The following CTNNA2 variants were observed in gnomAD, a reference collection of about 807,000 sequenced individuals.
The protein encoded by CTNNA2 is catenin alpha-2.
CTNNA2 carries 42 observed loss-of-function variants against 101.0 expected under a neutral mutation model. The ratio of observed to expected loss-of-function variants is 0.42; its 90% confidence interval spans 0.32 to 0.54. The LOEUF is 0.54. Among genes scored for constraint, CTNNA2 ranks in the 20% least tolerant of loss-of-function variants. The pLI, the probability that CTNNA2 is intolerant of heterozygous loss-of-function variation, is 0.14. For missense variants in CTNNA2, 871 were observed against 1,223.1 expected, an observed-to-expected ratio of 0.71 and a Z score of 4.29; for synonymous variants, 450 against 456.4, an observed-to-expected ratio of 0.99 and a Z score of 0.18.
chr2:79,192,038 G>A (rs553767679), intron 1 of CTNNA2, among the ~76,000 whole-genome samples: 12 of 152,046 alleles, frequency 7.9e-5, no homozygotes, highest in Non-Finnish European at 8.8e-5. Flanking sequence ...GTCAAGGTGC[G>A]AAGCTATTGG....
chr2:80,175,070 C>T (rs1705309238), intron 7 of CTNNA2, among the ~76,000 whole-genome samples: 1 of 152,196 alleles, frequency 6.6e-6, no homozygotes, highest in Non-Finnish European at 1.5e-5. Flanking sequence ...TCTTCTCCAC[C>T]TCTCAAGACT....
chr2:80,425,026 G>T, intron 9 of CTNNA2, among the ~76,000 whole-genome samples: 1 of 152,222 alleles, frequency 6.6e-6, no homozygotes, highest in Non-Finnish European at 1.5e-5. Flanking sequence ...TCTCAGCAGC[G>T]ACCTTCTTTC....
At chr2:80,636,351 A>G (rs1018941328) in intron 18 of CTNNA2, among the ~76,000 whole-genome samples, 2 of 152,132 alleles carry the variant, frequency 1.3e-5, no homozygotes, top group Admixed American at 6.6e-5. Flanking sequence ...TTTATAACCC[A>G]CTTTGTAGCA....
chr2:80,047,825 A>G (rs1214458754), intron 7 of CTNNA2, among the ~76,000 whole-genome samples: 1 of 152,192 alleles, frequency 6.6e-6, no homozygotes, highest in African/African-American at 2.4e-5. Context: ...ACACACATAG[A>G]AGACAATTTC....
chr2:80,402,222 C>T (rs2149381071), intron 8 of CTNNA2, among the ~76,000 whole-genome samples: 1 of 152,316 alleles, frequency 6.6e-6, no homozygotes, highest in African/African-American at 2.4e-5. Context: ...GGAAGGGGCT[C>T]AGAGCTTCCA....
intron 2 of CTNNA2, among the ~76,000 whole-genome samples, chr2:79,222,860 G>A (rs980428228): frequency 6.6e-6 from 1 of 152,000 alleles, no homozygotes; most frequent in African/African-American, 2.4e-5. Flanking sequence ...TATGAAAGAG[G>A]CCCCAGACCA....
At chr2:79,656,519 A>G (rs1318046979) in intron 2 of CTNNA2, among the ~76,000 whole-genome samples, 1 of 152,166 alleles carries the variant, frequency 6.6e-6, no homozygotes, top group Non-Finnish European at 1.5e-5. Context: ...CTGTCATGAG[A>G]AAAATGACAT....
At chr2:80,559,734 A>G (rs1315814875) in intron 12 of CTNNA2, among the ~76,000 whole-genome samples, 1 of 152,136 alleles carries the variant, frequency 6.6e-6, no homozygotes, top group Non-Finnish European at 1.5e-5. Context: ...GGGCTCTTCA[A>G]TAAAACCTGA....
At chr2:80,598,528 A>G (rs1261605407) in intron 15 of CTNNA2, among the ~76,000 whole-genome samples, 2 of 152,194 alleles carry the variant, frequency 1.3e-5, no homozygotes, top group Non-Finnish European at 2.9e-5. Context: ...TTTTGCTCTC[A>G]GACATTTATC....
At chr2:80,328,704 G>C (rs1329844031) in intron 7 of CTNNA2, among the ~76,000 whole-genome samples, 2 of 152,210 alleles carry the variant, frequency 1.3e-5, no homozygotes, top group East Asian at 3.8e-4. Flanking sequence ...TGTTGTGTAT[G>C]TTTGATGACA....
rs137894458 is a variant in CTNNA2, at chr2:80,303,742, C to T, written c.1057-89469C>T. On this transcript the variant is annotated intron_variant, in intron 7 of 18. Coordinates refer to ENST00000402739, the MANE Select transcript of CTNNA2 (RefSeq NM_001282597.3). The surrounding 1 kb of genome is among the most constrained non-coding windows in gnomAD (Gnocchi z 7.7). Reference sequence around the variant, plus strand: ...CGGCGGGCAGCATCTGAAAGCAGGCCCCCAGCAGACACAAGACCACCCCCG... The same window carrying T: ...CGGCGGGCAGCATCTGAAAGCAGGCTCCCAGCAGACACAAGACCACCCCCG... 1.3e-3 allele frequency: 2,050 copies of T among 1,596,560 alleles called. 2 individuals carry two copies. Among genetic ancestry groups the T allele is most frequent in the Non-Finnish European group, 1.6e-3 (1,820 of 1,171,854 alleles).
chr2:79,590,236 T>C (rs1187572576), intron 1 of CTNNA2, among the ~76,000 whole-genome samples: 1 of 152,242 alleles, frequency 6.6e-6, no homozygotes, highest in African/African-American at 2.4e-5. Context: ...TTAACCATGC[T>C]CTGCTGGTCC....
intron 7 of CTNNA2, among the ~76,000 whole-genome samples, chr2:80,206,220 T>C (rs2149027383): frequency 6.6e-6 from 1 of 152,348 alleles, no homozygotes; most frequent in Non-Finnish European, 1.5e-5. Flanking sequence ...GATTAAGATG[T>C]GGATTCTTTA....
chr2:80,560,571 C>G (rs1174504295), intron 12 of CTNNA2, among the ~76,000 whole-genome samples: 1 of 152,130 alleles, frequency 6.6e-6, no homozygotes, highest in African/African-American at 2.4e-5. Flanking sequence ...GCCCATGAGT[C>G]CCCTGTATAA....
chr2:80,162,908 A>T, intron 7 of CTNNA2: 1 of 1,564,824 alleles, frequency 6.4e-7, no homozygotes, highest in Non-Finnish European at 8.8e-7. Context: ...ACCTGCTAGG[A>T]GTTGTGGAGG....
At chr2:79,779,742 G>A (rs2105192352) in intron 3 of CTNNA2, among the ~76,000 whole-genome samples, 1 of 152,174 alleles carries the variant, frequency 6.6e-6, no homozygotes, top group South Asian at 2.1e-4. Flanking sequence ...ACAGAGAGGA[G>A]CCATTGCAGG....
chr2:80,172,529 G>A lies in CTNNA2; in HGVS notation c.1057-220682G>A, dbSNP rs143911789. On this transcript the variant is annotated intron_variant, in intron 7 of 18. Transcript: ENST00000402739. Reference sequence around the variant, plus strand: ...CCAATAGCATCAGCATCACCTGGGAGTTTGTTAGAAATTCAGAATCTCAGG... The same window carrying A: ...CCAATAGCATCAGCATCACCTGGGAATTTGTTAGAAATTCAGAATCTCAGG... Among the ~76,000 whole-genome samples the A allele has an allele frequency of 5.9e-5, 9 of 152,272 alleles. No homozygotes were observed. In the East Asian group the frequency reaches 1.7e-3, roughly 29 times the overall value.
chr2:79,772,250 T>TA (rs1260039756), intron 3 of CTNNA2, among the ~76,000 whole-genome samples: 1 of 152,096 alleles, frequency 6.6e-6, no homozygotes, highest in Non-Finnish European at 1.5e-5. Flanking sequence ...AGTTTGATAT[T>TA]AAAAAAATTG....
intron 4 of CTNNA2, among the ~76,000 whole-genome samples, chr2:79,494,184 A>T (rs1334244374): frequency 2.6e-5 from 4 of 152,190 alleles, no homozygotes; most frequent in South Asian, 4.1e-4. Context: ...AGACATAAAC[A>T]AATGTTAAGA....
Sources: allele counts gnomAD v4.1 joint callset (sites outside exome capture counted in the v4.1 genomes callset), GRCh38; gene constraint gnomAD v4.1.1; non-coding constraint Gnocchi (gnomAD v3.1); transcripts MANE v1.5; gene names NCBI Gene and HGNC (gene_info 2026-07-23, HGNC 2026-07-21).